MYO1B: variants seen among roughly 807,000 people sequenced by gnomAD.
MYO1B encodes the protein myosin IB.
In MYO1B, 72 loss-of-function variants were observed where a neutral mutation model predicts 159.7. The observed-to-expected ratio is 0.45, with a 90% CI of 0.37 to 0.55. The LOEUF is 0.55. MYO1B is among the 20% of genes least tolerant of loss of function. The probability of loss-of-function intolerance (pLI) is 0.00; values close to 1 mark genes in which losing one functional copy is unlikely to be tolerated. For synonymous variants in MYO1B, 468 were observed against 473.8 expected (o/e 0.99, Z 0.16); for missense variants, 1,062 against 1,364.8 (o/e 0.78, Z 3.50).
chr2:191,346,772 G>A (rs964148540), intron 6 of MYO1B, among the ~76,000 whole-genome samples: 1 of 152,174 alleles, frequency 6.6e-6, no homozygotes, highest in Non-Finnish European at 1.5e-5. Context: ...CTGTAGAGTA[G>A]AACTGAATAA....
chr2:191,400,232 T>A (rs1696523268), intron 21 of MYO1B, 150 bp from the exon 22 acceptor site: 2 of 788,252 alleles, frequency 2.5e-6, no homozygotes, highest in Non-Finnish European at 4.4e-6. Flanking sequence ...ATAGTCAGTT[T>A]GGGGCTAGTC....
At chr2:191,276,849 T>C in intron 1 of MYO1B, 38 bp from the exon 2 acceptor site, 2 of 1,568,932 alleles carry the variant, frequency 1.3e-6, no homozygotes, top group South Asian at 2.4e-5. Context: ...GAAATTATTT[T>C]GCTCGTTTAA....
chr2:191,296,272 T>C (rs368739693), intron 3 of MYO1B, 46 bp downstream of exon 3: 2 of 1,162,250 alleles, frequency 1.7e-6, no homozygotes, highest in Non-Finnish European at 2.5e-6. Context: ...ACTCCAGAGA[T>C]GTGTAGTTGA....
At chr2:191,299,318 A>G (rs1226543011) in intron 3 of MYO1B, among the ~76,000 whole-genome samples, 2 of 152,188 alleles carry the variant, frequency 1.3e-5, no homozygotes, top group East Asian at 1.9e-4. Context: ...ACCATGGCCT[A>G]CAAAGCACTA....
chr2:191,247,817 T>A (rs1295043519), intron 1 of MYO1B: 1 of 447,172 alleles, frequency 2.2e-6, no homozygotes, highest in Non-Finnish European at 3.0e-6. Flanking sequence ...GGCTGGTCTC[T>A]GGTCTCTGGC....
intron 1 of MYO1B, among the ~76,000 whole-genome samples, chr2:191,261,748 T>C (rs56209234): frequency 0.28 from 42,435 of 152,102 alleles, 6,433 homozygotes; most frequent in Middle Eastern, 0.47. Context: ...AGAACCTCAC[T>C]GTTCTTTAAA....
chr2:191,395,087 T>G (rs930614800), intron 20 of MYO1B, among the ~76,000 whole-genome samples: 3 of 152,216 alleles, frequency 2.0e-5, no homozygotes, highest in African/African-American at 7.2e-5. Context: ...TTGTAATATT[T>G]CATGTTTCCT....
chr2:191,331,865 G>A (rs528431969), intron 4 of MYO1B, among the ~76,000 whole-genome samples: 2 of 152,302 alleles, frequency 1.3e-5, no homozygotes, highest in East Asian at 1.9e-4. Context: ...TGGTCCTGTT[G>A]TTCTGGAAAC....
chr2:191,289,317 A>T (rs1354045235), intron 2 of MYO1B, among the ~76,000 whole-genome samples: 3 of 152,220 alleles, frequency 2.0e-5, no homozygotes, highest in Non-Finnish European at 2.9e-5. Flanking sequence ...TGTATGCTCT[A>T]ATGAAAAGAG....
At chr2:191,374,432 C>T (rs958729536) in intron 13 of MYO1B, among the ~76,000 whole-genome samples, 18 of 152,100 alleles carry the variant, frequency 1.2e-4, no homozygotes, top group Admixed American at 5.9e-4. Flanking sequence ...CACTAAAGGG[C>T]GAGACTTTTT....
At chr2:191,333,221 A>G (rs1044251605) in intron 4 of MYO1B, among the ~76,000 whole-genome samples, 1 of 152,110 alleles carries the variant, frequency 6.6e-6, no homozygotes. Context: ...AATGTGTTCT[A>G]CATTTACACT....
At chr2:191,416,280 T>C in intron 30 of MYO1B, 38 bp downstream of exon 30, 1 of 1,612,914 alleles carries the variant, frequency 6.2e-7, no homozygotes, top group South Asian at 1.1e-5. Context: ...TTTTTCTCTT[T>C]CAGCTTTTTT....
At chr2:191,291,969 CTG>C (rs913038624) in intron 2 of MYO1B, among the ~76,000 whole-genome samples, 2 of 152,276 alleles carry the variant, frequency 1.3e-5, no homozygotes, top group African/African-American at 2.4e-5. Flanking sequence ...AGAGTTGTGA[CTG>C]TGAACATTTG....
At chr2:191,300,818 G>A (rs1386084222) in intron 3 of MYO1B, among the ~76,000 whole-genome samples, 3 of 151,682 alleles carry the variant, frequency 2.0e-5, no homozygotes, top group Non-Finnish European at 4.4e-5. Flanking sequence ...GTCTGCAAAA[G>A]CATCCAGATA....
intron 30 of MYO1B, 71 bp from the exon 31 acceptor site, chr2:191,423,766 C>A (rs188332903): frequency 1.3e-6 from 2 of 1,516,176 alleles, no homozygotes; most frequent in East Asian, 2.3e-5. Context: ...CATTAAAATA[C>A]AAAAGCAAGT....
intron 30 of MYO1B, among the ~76,000 whole-genome samples, chr2:191,418,486 T>TTTTA (rs1697718966): frequency 7.4e-6 from 1 of 135,404 alleles, no homozygotes; most frequent in Non-Finnish European, 1.6e-5. Context: ...TAGTGGATTT[T>TTTTA]TTTTTTTTTT....
chr2:191,351,461 TA>T lies in MYO1B; in HGVS notation c.562+1246del, dbSNP rs11445147. Among the ~76,000 whole-genome samples, 87 of 151,196 alleles carry T rather than the reference TA, an allele frequency of 5.8e-4. No homozygotes were observed. The East Asian group carries it at 0.011, about 19-fold the overall frequency. ...ATTTGGTCAAACTATGCAGCTGATT[TA>T]AAAAAAAAATTAAATCATGATTCAG... On this transcript the variant is annotated intron_variant, in intron 7 of 30. Coordinates refer to ENST00000392318, the MANE Select transcript of MYO1B (RefSeq NM_001130158.3).
chr2:191,297,875 A>T (rs373819483), intron 3 of MYO1B, among the ~76,000 whole-genome samples: 15 of 152,212 alleles, frequency 9.9e-5, no homozygotes, highest in African/African-American at 3.6e-4. Context: ...TGGGTCAGGG[A>T]TGCTGCTAAG....
At chr2:191,369,358 T>C (rs1694219020) in intron 11 of MYO1B, among the ~76,000 whole-genome samples, 184 bp from the exon 12 acceptor site, 1 of 152,228 alleles carries the variant, frequency 6.6e-6, no homozygotes, top group Admixed American at 6.5e-5. Flanking sequence ...AAAGTGTAAC[T>C]GTGTATAAAC....
Sources: gnomAD v4.1 joint callset for allele counts (sites outside exome capture counted in the v4.1 genomes callset) on GRCh38, gnomAD v4.1.1 for gene constraint, MANE v1.5 for transcripts, NCBI Gene and HGNC (gene_info 2026-07-23, HGNC 2026-07-21) for gene names.